Variants in ITSN2 observed in about 807,000 individuals in gnomAD.
ITSN2 encodes intersectin-2.
In ITSN2, 156 loss-of-function variants were observed where a neutral mutation model predicts 243.7. The observed-to-expected ratio is 0.64, with a 90% CI of 0.56 to 0.73. ITSN2 has a LOEUF of 0.73. Ranked by LOEUF, ITSN2 falls within the 30% of genes least tolerant of loss-of-function variation. The probability of loss-of-function intolerance (pLI) is 0.00; values close to 1 mark genes in which losing one functional copy is unlikely to be tolerated. For missense variants in ITSN2, 1,801 were observed against 1,996.1 expected, an observed-to-expected ratio of 0.90 and a Z score of 1.86; for synonymous variants, 703 against 699.9, an observed-to-expected ratio of 1.00 and a Z score of -0.07.
chr2:24,241,391 G>C (rs553623243), intron 29 of ITSN2: 3 of 152,336 alleles, frequency 2.0e-5, no homozygotes, highest in South Asian at 2.1e-4. Flanking sequence ...TACACACGCT[G>C]CAGCACATGA....
intron 2 of ITSN2, among the ~76,000 whole-genome samples, chr2:24,316,170 CAGGT>C (rs1290883246): frequency 1.3e-5 from 2 of 152,174 alleles, no homozygotes; most frequent in Non-Finnish European, 2.9e-5. Flanking sequence ...TAATAATAAA[CAGGT>C]AGGGTGGAAT....
intron 17 of ITSN2, among the ~76,000 whole-genome samples, chr2:24,283,194 T>C (rs770379678): frequency 1.3e-5 from 2 of 152,136 alleles, no homozygotes; most frequent in African/African-American, 2.4e-5. Flanking sequence ...TTCAAAAGTT[T>C]TCTTTTTGAC....
chr2:24,254,490 A>C (rs1388540519), intron 23 of ITSN2, 59 bp from the exon 24 acceptor site: 1 of 1,401,264 alleles, frequency 7.1e-7, no homozygotes, highest in Non-Finnish European at 1.0e-6. Flanking sequence ...AAAATAAGAA[A>C]GGTGATTTGA....
chr2:24,248,468 C>A (rs1673687984), intron 27 of ITSN2, among the ~76,000 whole-genome samples, 161 bp downstream of exon 27: 1 of 152,106 alleles, frequency 6.6e-6, no homozygotes, highest in African/African-American at 2.4e-5. Context: ...AATGTACACA[C>A]AAGAGACTAA....
intron 9 of ITSN2, 35 bp downstream of exon 9, chr2:24,303,764 T>G: frequency 7.5e-7 from 1 of 1,327,668 alleles, no homozygotes; most frequent in Non-Finnish European, 1.1e-6. Flanking sequence ...AATGCATAGT[T>G]AAATTAATCA....
chr2:24,221,206 G>T, intron 29 of ITSN2, 140 bp from the exon 30 acceptor site: 2 of 869,146 alleles, frequency 2.3e-6, no homozygotes, highest in Non-Finnish European at 3.5e-6. Flanking sequence ...GCTAACTTCT[G>T]CAGAGCAGCA....
chr2:24,267,806 C>G (rs1394004438), intron 20 of ITSN2, among the ~76,000 whole-genome samples: 1 of 152,190 alleles, frequency 6.6e-6, no homozygotes, highest in East Asian at 1.9e-4. Flanking sequence ...ATACTCCTGC[C>G]TCGGCCTCTC....
chr2:24,310,589 T>C lies in ITSN2; in HGVS notation c.456A>G (p.Leu152=). 1 of 1,614,114 alleles carries C rather than the reference T, an allele frequency of 6.2e-7. No individual in the cohort carries two copies. The highest frequency in any genetic ancestry group is 2.2e-5 in the East Asian group (1 of 44,880). The change falls in exon 6 of 40, where the codon TTA becomes TTG. Residue 152 remains leucine (L), a synonymous_variant. Transcript: ENST00000355123. ...SATSGTNLPP[L]MMPTPLVPSV... ...AAGGCACTAGGGGAGTGGGCATCAT[T>C]AAGGGAGGAAGGTTGGTCCCTGAAG... is the stretch of plus-strand genomic sequence containing the variant.
rs538630223 is a variant in ITSN2 at position 24,246,701 on chromosome 2, A to C, written c.3385+96T>G. The C allele has an allele frequency of 2.7e-5, 21 of 775,346 alleles. No individual in the cohort carries two copies. The East Asian group carries it at 5.2e-4, about 19-fold the overall frequency. 48.0% of individuals were successfully genotyped at this position (775,346 alleles called of 1,614,324 possible). A position where few individuals can be genotyped will look rare whatever the true frequency, so the allele number is the denominator to read the frequency against. On this transcript the variant is annotated intron_variant, in intron 28 of 39. Coordinates refer to ENST00000355123, the MANE Select transcript of ITSN2 (RefSeq NM_006277.3). ...TTAAGCAGACATAAGGAAAGAACAC[A>C]TTTTTAATGTTTTCCAAAGATTGAG... is the stretch of plus-strand genomic sequence containing the variant.
intron 17 of ITSN2, among the ~76,000 whole-genome samples, chr2:24,284,178 C>T (rs1461693801): frequency 3.9e-5 from 6 of 152,118 alleles, no homozygotes; most frequent in South Asian, 2.1e-4. Flanking sequence ...TAATAATCTA[C>T]GTTATACATG....
At chr2:24,262,228 T>A (rs1675993852) in intron 20 of ITSN2, among the ~76,000 whole-genome samples, 1 of 152,198 alleles carries the variant, frequency 6.6e-6, no homozygotes, top group Non-Finnish European at 1.5e-5. Context: ...TATAGCTTAA[T>A]CTTTATTTAA....
intron 29 of ITSN2, chr2:24,240,694 A>C (rs1417640628): frequency 6.6e-6 from 1 of 152,128 alleles, no homozygotes; most frequent in Non-Finnish European, 1.5e-5. Flanking sequence ...AACATATTTC[A>C]CTCTTTGTAA....
chr2:24,315,665 T>C (rs1295936953), intron 2 of ITSN2, among the ~76,000 whole-genome samples: 5 of 152,132 alleles, frequency 3.3e-5, no homozygotes, highest in African/African-American at 1.2e-4. Context: ...TGGTGGGAGA[T>C]GACTGGATCA....
chr2:24,312,489 T>C (rs1683376635), intron 4 of ITSN2, 114 bp from the exon 5 acceptor site: 1 of 604,702 alleles, frequency 1.7e-6, no homozygotes, highest in Non-Finnish European at 2.8e-6. Context: ...GTGTACATCA[T>C]CACTAAATTT....
intron 1 of ITSN2, among the ~76,000 whole-genome samples, chr2:24,350,265 T>C (rs1687908950): frequency 1.3e-5 from 2 of 152,184 alleles, no homozygotes; most frequent in Non-Finnish European, 2.9e-5. Flanking sequence ...TGAGGAAGCA[T>C]TAATCTAAGC....
chr2:24,351,904 T>C (rs907134726), intron 1 of ITSN2, among the ~76,000 whole-genome samples: 2 of 152,172 alleles, frequency 1.3e-5, no homozygotes, highest in Non-Finnish European at 2.9e-5. Context: ...AGCCACTTCC[T>C]TCAAGTGAAA....
At chr2:24,323,291 T>C (rs1287334731) in intron 2 of ITSN2, among the ~76,000 whole-genome samples, 6 of 152,154 alleles carry the variant, frequency 3.9e-5, no homozygotes, top group Non-Finnish European at 8.8e-5. Context: ...TTATAGCAGA[T>C]TTAGTCATAA....
intron 36 of ITSN2, 138 bp downstream of exon 36, chr2:24,208,962 C>T (rs537619117): frequency 5.6e-6 from 5 of 888,564 alleles, no homozygotes; most frequent in Non-Finnish European, 8.6e-6. Context: ...GGGACTGGAG[C>T]AGAGGGGATG....
At chr2:24,207,071 T>C (rs1215117467) in intron 37 of ITSN2, among the ~76,000 whole-genome samples, 1 of 151,842 alleles carries the variant, frequency 6.6e-6, no homozygotes, top group Non-Finnish European at 1.5e-5. Context: ...GTAGTGGGGA[T>C]GGGCCCTGAG....
Sources: allele counts gnomAD v4.1 joint callset (sites outside exome capture counted in the v4.1 genomes callset), GRCh38; gene constraint gnomAD v4.1.1; transcripts MANE v1.5; gene names NCBI Gene and HGNC (gene_info 2026-07-23, HGNC 2026-07-21).